NTAQ1: variants seen among roughly 807,000 people sequenced by gnomAD.
NTAQ1 encodes N-terminal glutamine amidase 1.
In NTAQ1, 21 loss-of-function variants were observed where a neutral mutation model predicts 28.2. The ratio of observed to expected loss-of-function variants is 0.74; its 90% CI spans 0.53 to 1.07. The LOEUF is 1.07. NTAQ1 is among the 50% of genes least tolerant of loss of function. NTAQ1 has a pLI of 0.00. For synonymous variants in NTAQ1, 105 were observed against 90.0 expected, an observed-to-expected ratio of 1.17 and a Z score of -0.94; for missense variants, 264 against 256.6, an observed-to-expected ratio of 1.03 and a Z score of -0.20.
chr8:123,448,001 G>A (rs1815351865), intron 6 of NTAQ1: 1 of 152,138 alleles, frequency 6.6e-6, no homozygotes, highest in African/African-American at 2.4e-5. Flanking sequence ...ACTGACCTGT[G>A]AAACTCGTGC....
Position 123,429,971 on chromosome 8 carries a change from T to G in NTAQ1, c.184-12T>G, listed in dbSNP as rs191631918. 1.9e-6 allele frequency: 3 copies of G among 1,602,474 alleles called. No homozygotes were observed. Among genetic ancestry groups the G allele is most frequent in the Admixed American group, 3.4e-5 (2 of 58,226 alleles). ...TAAAGGTATGGCTTACGAAATGTAT[T>G]GTATTTTGTAGATACCTATCTGGAA... On this transcript the variant is annotated splice_polypyrimidine_tract_variant and intron_variant, in intron 2 of 5. Transcript: ENST00000287387.
At chr8:123,419,787 CCCT>C (rs1813568387) in intron 1 of NTAQ1, among the ~76,000 whole-genome samples, 1 of 123,144 alleles carries the variant, frequency 8.1e-6, no homozygotes, top group African/African-American at 2.9e-5. Context: ...CTCCCTCCCT[CCCT>C]CCTTCCTTCA....
chr8:123,445,840 A>G (rs989933079), downstream of NTAQ1, among the ~76,000 whole-genome samples: 2 of 152,028 alleles, frequency 1.3e-5, no homozygotes, highest in African/African-American at 4.8e-5. Flanking sequence ...TCCTGGCCTC[A>G]AGAGATCCGC....
downstream of NTAQ1, among the ~76,000 whole-genome samples, chr8:123,453,052 G>A (rs1419219099): frequency 1.3e-5 from 2 of 152,200 alleles, no homozygotes; most frequent in Non-Finnish European, 2.9e-5. Flanking sequence ...AACATTGGAA[G>A]GAAATTGTGG....
intron 2 of NTAQ1, 75 bp from the exon 3 acceptor site, chr8:123,429,879 CAAAAAAAAAAAAAAAAAATCCCGTCTCAA>C: frequency 1.2e-3 from 420 of 336,996 alleles, no homozygotes; most frequent in South Asian, 3.6e-3. Context: ...GACTCTGTCT[CAAAAAAAAAAAAAAAAAATCCCGTCTCAA>C]AAAAAAAAAA....
Position 123,416,939 on chromosome 8 carries a change from G to C in NTAQ1, c.83+7G>C. The C allele has an allele frequency of 6.7e-7, 1 of 1,482,008 alleles. No individual in the cohort carries two copies. Among genetic ancestry groups the C allele is most frequent in the Non-Finnish European group, 9.0e-7 (1 of 1,114,046 alleles). The allele number at this position is 1,482,008 out of a possible 1,614,324, so 91.8% of individuals were successfully genotyped here. A position where few individuals can be genotyped will look rare whatever the true frequency, so the allele number is the denominator to read the frequency against. On this transcript the variant is annotated splice_region_variant and intron_variant, in intron 1 of 5. Coordinates refer to ENST00000287387, the MANE Select transcript of NTAQ1 (RefSeq NM_018024.3). ...TCTACAGCAGCTGCTACTGGTGAGG[G>C]GGCGCGGGCGCAGCCTCTGGGTCTC...
At chr8:123,464,573 C>T (rs1373180137) in intron 6 of NTAQ1, among the ~76,000 whole-genome samples, 1 of 152,142 alleles carries the variant, frequency 6.6e-6, no homozygotes, top group Non-Finnish European at 1.5e-5. Flanking sequence ...ACCACCTTCA[C>T]CTCAAGGGTA....
chr8:123,436,689 T>G, intron 4 of NTAQ1, 88 bp downstream of exon 4: 5 of 1,428,642 alleles, frequency 3.5e-6, no homozygotes, highest in Non-Finnish European at 4.8e-6. Context: ...GACAATTGTT[T>G]TGTAAAGATC....
chr8:123,472,138 C>T (rs1196479090), downstream of NTAQ1, among the ~76,000 whole-genome samples: 1 of 152,122 alleles, frequency 6.6e-6, no homozygotes. Context: ...TGGGCAGTGA[C>T]TCAGGAGAGT....
downstream of NTAQ1, among the ~76,000 whole-genome samples, chr8:123,445,970 T>G (rs1448014458): frequency 1.3e-5 from 1 of 74,226 alleles, no homozygotes; most frequent in Non-Finnish European, 3.2e-5. Flanking sequence ...TTTTCTTTCC[T>G]TTTCCTTTTT....
chr8:123,440,915 A>G (rs1433546677), intron 5 of NTAQ1, among the ~76,000 whole-genome samples: 2 of 152,136 alleles, frequency 1.3e-5, no homozygotes, highest in Non-Finnish European at 2.9e-5. Flanking sequence ...TGGTGGTGAC[A>G]TGAATTATTT....
At chr8:123,461,385 ACTT>A (rs1815819107) in intron 6 of NTAQ1, among the ~76,000 whole-genome samples, 1 of 151,950 alleles carries the variant, frequency 6.6e-6, no homozygotes, top group East Asian at 1.9e-4. Flanking sequence ...CAAATAAACA[ACTT>A]CTACCGAATT....
chr8:123,425,216 C>T (rs560158354), intron 1 of NTAQ1, among the ~76,000 whole-genome samples: 4 of 152,090 alleles, frequency 2.6e-5, no homozygotes, highest in South Asian at 2.1e-4. Flanking sequence ...CTCAGCCTCC[C>T]GAGTAGCTGG....
At chr8:123,473,935 T>C (rs993016930), downstream of NTAQ1, among the ~76,000 whole-genome samples, 1 of 152,196 alleles carries the variant, frequency 6.6e-6, no homozygotes, top group Non-Finnish European at 1.5e-5. Context: ...GTTATTATTA[T>C]TACTGTTATT....
downstream of NTAQ1, among the ~76,000 whole-genome samples, chr8:123,471,298 A>G (rs1816038870): frequency 6.6e-6 from 1 of 152,164 alleles, no homozygotes. Context: ...CTGTGACCTC[A>G]TCTCAAATAA....
At chr8:123,468,708 T>C (rs563345700) in exon 7 of NTAQ1, among the ~76,000 whole-genome samples, 12 of 152,354 alleles carry the variant, frequency 7.9e-5, no homozygotes, top group African/African-American at 2.9e-4. Flanking sequence ...TTCAGTTCTT[T>C]TGGATATATA....
chr8:123,471,198 T>C (rs1479357387), downstream of NTAQ1, among the ~76,000 whole-genome samples: 1 of 152,140 alleles, frequency 6.6e-6, no homozygotes, highest in African/African-American at 2.4e-5. Context: ...CCCAAAGTGC[T>C]GAGATTACTG....
chr8:123,422,961 A>G (rs917535789), intron 1 of NTAQ1, among the ~76,000 whole-genome samples: 4 of 152,118 alleles, frequency 2.6e-5, no homozygotes, highest in Non-Finnish European at 5.9e-5. Flanking sequence ...AAATGTAAAT[A>G]TGCGGCTTTA....
chr8:123,417,051 C>T lies in NTAQ1; in HGVS notation c.83+119C>T, dbSNP rs1170696107. The T allele has an allele frequency of 3.8e-6, 4 of 1,057,790 alleles. No individual in the cohort carries two copies. The Admixed American group carries it at 1.1e-4, about 30-fold the overall frequency. The allele number at this position is 1,057,790 out of a possible 1,614,324, so 65.5% of individuals were successfully genotyped here. ...CGCTCCCGGCCTCTACCGGCGGGTT[C>T]TACAGTTTTGCGGGAGGAGGGAGCG... is the stretch of plus-strand genomic sequence containing the variant. On this transcript the variant is annotated intron_variant, in intron 1 of 5. Coordinates refer to ENST00000287387, the MANE Select transcript of NTAQ1 (RefSeq NM_018024.3).
Sources: allele counts gnomAD v4.1 joint callset (sites outside exome capture counted in the v4.1 genomes callset), GRCh38; gene constraint gnomAD v4.1.1; transcripts MANE v1.5; gene names NCBI Gene and HGNC (gene_info 2026-07-23, HGNC 2026-07-21).